Variants in RANBP2 observed in about 807,000 individuals in gnomAD.
RANBP2 encodes RAN binding protein 2, also known as E3 SUMO-protein ligase RanBP2.
A neutral mutation model predicts 303.6 loss-of-function variants in RANBP2; 57 were observed. The observed-to-expected ratio is 0.19, with a 90% CI of 0.15 to 0.23. The LOEUF is 0.23. Ranked by LOEUF, RANBP2 falls within the 10% of genes least tolerant of loss-of-function variation. The pLI is 1.00. For missense variants in RANBP2, 3,138 were observed against 3,780.8 expected (o/e 0.83, Z 4.46); for synonymous variants, 1,167 against 1,301.5 (o/e 0.90, Z 2.23).
chr2:109,012,187 A>G, the RANBP2 span, among the ~76,000 whole-genome samples: 1 of 152,194 alleles, frequency 6.6e-6, no homozygotes, highest in Non-Finnish European at 1.5e-5. Flanking sequence ...CAGCAGAGCC[A>G]CATCTTTGGG....
the RANBP2 span, among the ~76,000 whole-genome samples, chr2:108,915,407 A>G: frequency 6.6e-6 from 1 of 152,288 alleles, no homozygotes; most frequent in East Asian, 1.9e-4. Context: ...CCAATGAAAC[A>G]TTGGGCTTGG....
At chr2:109,176,414 A>G in the RANBP2 span, among the ~76,000 whole-genome samples, 2 of 152,186 alleles carry the variant, frequency 1.3e-5, no homozygotes, top group East Asian at 1.9e-4. Context: ...TAGGAGCCCA[A>G]TAGTTGCTCA....
At chr2:109,646,788 G>A in the RANBP2 span, among the ~76,000 whole-genome samples, 22 of 151,468 alleles carry the variant, frequency 1.5e-4, no homozygotes, top group African/African-American at 5.1e-4. Flanking sequence ...TTACAAGTGT[G>A]AGCCACTGCT....
the RANBP2 span, among the ~76,000 whole-genome samples, chr2:109,469,715 G>A: frequency 6.6e-6 from 1 of 152,198 alleles, no homozygotes; most frequent in Non-Finnish European, 1.5e-5. Context: ...AAGTCTGGCA[G>A]AACGCTGAAA....
At chr2:108,816,638 C>G in the RANBP2 span, among the ~76,000 whole-genome samples, 1 of 152,042 alleles carries the variant, frequency 6.6e-6, no homozygotes, top group African/African-American at 2.4e-5. Context: ...ATCCATGAAC[C>G]CTTGGATGAA....
chr2:108,897,016 G>T, the RANBP2 span: 1 of 1,614,010 alleles, frequency 6.2e-7, no homozygotes, highest in South Asian at 1.1e-5. Flanking sequence ...CACCAGTTTT[G>T]TGAGTAGCTC....
the RANBP2 span, among the ~76,000 whole-genome samples, chr2:109,287,472 G>GT: frequency 6.6e-6 from 1 of 152,190 alleles, no homozygotes; most frequent in African/African-American, 2.4e-5. Context: ...ATACCTAAGA[G>GT]AGATACCTCC....
At chr2:109,621,317 T>G in the RANBP2 span, among the ~76,000 whole-genome samples, 3 of 151,838 alleles carry the variant, frequency 2.0e-5, no homozygotes, top group Non-Finnish European at 2.9e-5. Flanking sequence ...TACGCCCAGA[T>G]AATTTTTTGT....
chr2:109,625,061 A>C, the RANBP2 span, among the ~76,000 whole-genome samples: 1 of 145,886 alleles, frequency 6.9e-6, no homozygotes, highest in African/African-American at 2.6e-5. Context: ...AGCCCTGGTG[A>C]CACATCTCAA....
At chr2:108,908,058 G>C in the RANBP2 span, 25 of 1,571,480 alleles carry the variant, frequency 1.6e-5, no homozygotes, top group Admixed American at 3.0e-4. Context: ...CAGTGCCTGG[G>C]GGGGCTGCAG....
At chr2:109,258,970 C>T in the RANBP2 span, among the ~76,000 whole-genome samples, 1,127 of 152,316 alleles carry the variant, frequency 7.4e-3, 8 homozygotes, top group South Asian at 0.024. Context: ...ACGGGGCATC[C>T]GCATGCCCTC....
the RANBP2 span, chr2:109,449,443 G>T: frequency 6.2e-7 from 1 of 1,613,980 alleles, no homozygotes; most frequent in Non-Finnish European, 8.5e-7. Flanking sequence ...TCCACATCCA[G>T]CCCCACCAAC....
the RANBP2 span, among the ~76,000 whole-genome samples, chr2:109,223,188 A>G: frequency 6.6e-6 from 1 of 152,222 alleles, no homozygotes. Flanking sequence ...GCCACAGATC[A>G]TGAATGCTTT....
chr2:109,564,439 A>T, the RANBP2 span: 1 of 1,599,308 alleles, frequency 6.3e-7, no homozygotes. Flanking sequence ...TAAAGCTCAT[A>T]GTGCCTGGTA....
In RANBP2 at chr2:108,763,326, A is replaced by G. The variant is rs1483142113; in HGVS notation, c.2787A>G (p.Ser929=). The G allele has an allele frequency of 6.2e-7, 1 of 1,611,796 alleles. No individual in the cohort carries two copies. Among genetic ancestry groups the G allele is most frequent in the Non-Finnish European group, 8.5e-7 (1 of 1,177,982 alleles). Residue 929 remains serine, a synonymous_variant, in exon 20 of 29, where the codon TCA becomes TCG. Coordinates refer to ENST00000283195, the MANE Select transcript of RANBP2 (RefSeq NM_006267.5). ...TGCACACACCGCCAGTGCAAAGCTC[A>G]TCTGCTTGTATGTTCTCTCAGGAGA... The part of the protein sequence containing the change: ...QQMHTPPVQS[S]SACMFSQEMY...
the RANBP2 span, among the ~76,000 whole-genome samples, chr2:109,085,588 C>T: frequency 6.7e-6 from 1 of 150,248 alleles, no homozygotes; most frequent in African/African-American, 2.5e-5. Context: ...CAGGCGTGAA[C>T]CACCACACCT....
chr2:109,164,413 G>A, the RANBP2 span, among the ~76,000 whole-genome samples: 1 of 152,136 alleles, frequency 6.6e-6, no homozygotes, highest in Admixed American at 6.5e-5. Flanking sequence ...CAAACTCTTG[G>A]CCTCAAGCAG....
chr2:109,416,951 C>T, the RANBP2 span, among the ~76,000 whole-genome samples: 2 of 151,910 alleles, frequency 1.3e-5, no homozygotes, highest in Non-Finnish European at 2.9e-5. Flanking sequence ...GCTTGGCCAC[C>T]TGGATTGCAA....
the RANBP2 span, among the ~76,000 whole-genome samples, chr2:109,584,644 C>T: frequency 6.6e-6 from 1 of 151,906 alleles, no homozygotes; most frequent in Admixed American, 6.6e-5. Flanking sequence ...CAAATAGAGA[C>T]ACAAGGTAAA....
Sources: allele counts gnomAD v4.1 joint callset (sites outside exome capture counted in the v4.1 genomes callset), GRCh38; gene constraint gnomAD v4.1.1; transcripts MANE v1.5; gene names NCBI Gene and HGNC (gene_info 2026-07-23, HGNC 2026-07-21).